IRF2BP2: variants seen among roughly 807,000 people sequenced by gnomAD.
IRF2BP2 encodes the protein interferon regulatory factor 2 binding protein 2.
A neutral mutation model predicts 32.7 loss-of-function variants in IRF2BP2; 13 were observed. That is an observed-to-expected ratio of 0.40 (90% CI 0.26 to 0.63). The LOEUF (loss-of-function observed/expected upper bound fraction) is 0.63. IRF2BP2 is among the 30% of genes least tolerant of loss of function. The probability of loss-of-function intolerance (pLI) is 0.42; values close to 1 mark genes in which losing one functional copy is unlikely to be tolerated. For synonymous variants in IRF2BP2, 555 were observed against 384.6 expected (o/e 1.44, Z -5.18); for missense variants, 980 against 830.6 (o/e 1.18, Z -2.21).
At chr1:234,608,332 TG>T in intron 1 of IRF2BP2, 114 bp downstream of exon 1, 1 of 842,458 alleles carries the variant, frequency 1.2e-6, no homozygotes, top group Non-Finnish European at 1.8e-6. Flanking sequence ...GATCAGGAAG[TG>T]GGGTGTTTGT....
rs754206879 is a variant in IRF2BP2 at position 234,608,406 on chromosome 1, C to T, written c.1048+41G>A. 83 of 1,402,360 alleles carry T rather than the reference C, an allele frequency of 5.9e-5. No homozygotes were observed. In the East Asian group the frequency reaches 2.1e-3, roughly 36 times the overall value. The allele number at this position is 1,402,360 out of a possible 1,614,324, so 86.9% of individuals were successfully genotyped here. A position where few individuals can be genotyped will look rare whatever the true frequency, so the allele number is the denominator to read the frequency against. The stretch of plus-strand genomic sequence containing the variant: ...CCACCCTTCCTCTGCTCTCCGTCCC[C>T]TTTTCTCCCCTAGACCCCCTCACTT... On this transcript the variant is annotated intron_variant, in intron 1 of 1. Coordinates refer to ENST00000366609, the MANE Select transcript of IRF2BP2 (RefSeq NM_182972.3).
At position 234,609,455 on chromosome 1, in the gene IRF2BP2, G is replaced by A; in HGVS notation, c.40C>T (p.Gln14Ter). The change falls in exon 1 of 2, where the codon CAG becomes TAG. Residue 14 changes from glutamine to a stop codon, truncating the protein, a stop_gained. Coordinates refer to ENST00000366609, the MANE Select transcript of IRF2BP2 (RefSeq NM_182972.3). LOFTEE classifies it high-confidence loss of function. ...AVAVAAASRR[Q>*]SCYLCDLPRM... ...GGCAGGTCACACAGGTAGCACGACT[G>A]CCGCCGGGACGCGGCCGCCACCGCC... The A allele has an allele frequency of 1.3e-6, 2 of 1,530,286 alleles. No individual in the cohort carries two copies. Among genetic ancestry groups the A allele is most frequent in the Non-Finnish European group, 1.8e-6 (2 of 1,141,122 alleles). 94.8% of individuals were successfully genotyped at this position (1,530,286 alleles called of 1,614,324 possible).
Position 234,609,199 on chromosome 1 carries a change from AGCTGCT to A in IRF2BP2, c.290_295del (p.Gln97_Gln98del). On this transcript the variant is annotated inframe_deletion, in exon 1 of 2. Transcript: ENST00000366609. ...GGCCGCCTCGGGGCCGCCGTGGCCA[AGCTGCT>A]GCTGCTGCTGCAAAAGGATGTCCTT... is the stretch of plus-strand genomic sequence containing the variant. 1 of 1,311,546 alleles carries A rather than the reference AGCTGCT, an allele frequency of 7.6e-7. No individual in the cohort carries two copies. The highest frequency in any genetic ancestry group is 9.7e-7 in the Non-Finnish European group (1 of 1,035,056). The allele number at this position is 1,311,546 out of a possible 1,614,324, so 81.2% of individuals were successfully genotyped here.
chr1:234,609,290 C>T lies in IRF2BP2; in HGVS notation c.205G>A (p.Gly69Ser), dbSNP rs746493754. ...LKRAHGCFPEGRSPPGAAASA... is the reference protein window; with the variant it reads ...LKRAHGCFPESRSPPGAAASA... Reference sequence around the variant, plus strand: ...GCCGCGGCGCCGGGTGGGGAGCGACCCTCCGGGAAGCAGCCGTGCGCCCGC... The same window carrying T: ...GCCGCGGCGCCGGGTGGGGAGCGACTCTCCGGGAAGCAGCCGTGCGCCCGC... Residue 69 changes from glycine to serine, a missense_variant, in exon 1 of 2, where the codon GGT (glycine) becomes AGT (serine). Transcript: ENST00000366609. 2.7e-6 allele frequency: 4 copies of T among 1,467,018 alleles called. No homozygotes were observed. Among genetic ancestry groups the T allele is most frequent in the Non-Finnish European group, 3.6e-6 (4 of 1,106,362 alleles). 90.9% of individuals were successfully genotyped at this position (1,467,018 alleles called of 1,614,324 possible). A position where few individuals can be genotyped will look rare whatever the true frequency, so the allele number is the denominator to read the frequency against.
Position 234,606,406 on chromosome 1 carries a change from T to C in IRF2BP2, c.*731A>G, listed in dbSNP as rs1354364477. The C allele has an allele frequency of 2.0e-5, 3 of 152,076 alleles. No individual in the cohort carries two copies. Among genetic ancestry groups the C allele is most frequent in the Admixed American group, 2.0e-4 (3 of 15,270 alleles). 9.4% of individuals were successfully genotyped at this position (152,076 alleles called of 1,614,324 possible). A position where few individuals can be genotyped will look rare whatever the true frequency, so the allele number is the denominator to read the frequency against. On this transcript the variant is annotated 3_prime_UTR_variant, in exon 2 of 2. Transcript: ENST00000366609. ...TTATGTAACCAACTAGCATGCAGCA[T>C]TGTAATCTTACAACTGATCACGTGG... is the stretch of plus-strand genomic sequence containing the variant.
rs555073382 is a variant in IRF2BP2 at position 234,604,425 on chromosome 1, A to G, written c.*2712T>C. The G allele has an allele frequency of 2.0e-5, 3 of 152,336 alleles. No individual in the cohort carries two copies. Among genetic ancestry groups the G allele is most frequent in the African/African-American group, 7.2e-5 (3 of 41,572 alleles). The allele number at this position is 152,336 out of a possible 1,614,324, so 9.4% of individuals were successfully genotyped here. ...TGAGATTACACTCACTTCAGTTGAC[A>G]TGAGTTTCATCATATATAGAAAAAG... is the stretch of plus-strand genomic sequence containing the variant. On this transcript the variant is annotated 3_prime_UTR_variant, in exon 2 of 2. Transcript: ENST00000366609.
In IRF2BP2 at chr1:234,606,871, A is replaced by G. The variant is rs1337795359; in HGVS notation, c.*266T>C. On this transcript the variant is annotated 3_prime_UTR_variant, in exon 2 of 2. Transcript: ENST00000366609. ...AAGCAGCGCAAGTCACAGCCTACAT[A>G]GAACGGTAACTGTCACCAGGATAAT... 6.8e-6 allele frequency: 2 copies of G among 295,528 alleles called. No homozygotes were observed. Among genetic ancestry groups the G allele is most frequent in the African/African-American group, 4.3e-5 (2 of 46,224 alleles). The allele number at this position is 295,528 out of a possible 1,614,324, so 18.3% of individuals were successfully genotyped here.
rs1357644800 is a variant in IRF2BP2 at position 234,609,617 on chromosome 1, G to A, written c.-123C>T. On this transcript the variant is annotated 5_prime_UTR_variant, in exon 1 of 2. Coordinates refer to ENST00000366609, the MANE Select transcript of IRF2BP2 (RefSeq NM_182972.3). ...CAACCCCGCGTCTCCCCCACCAGCGGCGGCGGCGGCCGCAAAGGCGGCGGC... is the reference window on the plus strand; with the variant it reads ...CAACCCCGCGTCTCCCCCACCAGCGACGGCGGCGGCCGCAAAGGCGGCGGC... 2 of 449,310 alleles carry A rather than the reference G, an allele frequency of 4.5e-6. No individual in the cohort carries two copies. The highest frequency in any genetic ancestry group is 4.9e-5 in the Admixed American group (1 of 20,306). The allele number at this position is 449,310 out of a possible 1,614,324, so 27.8% of individuals were successfully genotyped here.
rs1672153464 is a variant in IRF2BP2, at chr1:234,606,122, A to C, written c.*1015T>G. 1 of 152,296 alleles carries C rather than the reference A, an allele frequency of 6.6e-6. No individual in the cohort carries two copies. The highest frequency in any genetic ancestry group is 2.4e-5 in the African/African-American group (1 of 41,476). The allele number at this position is 152,296 out of a possible 1,614,324, so 9.4% of individuals were successfully genotyped here. A position where few individuals can be genotyped will look rare whatever the true frequency, so the allele number is the denominator to read the frequency against. ...GAAACAGGGTATAGGTGATAGTATC[A>C]ACAGCAATAGCACTACAGGTAAATG... On this transcript the variant is annotated 3_prime_UTR_variant, in exon 2 of 2. Transcript: ENST00000366609.
rs2102768238 is a variant in IRF2BP2, at chr1:234,607,380, G to A, written c.1521C>T (p.Thr507=). The change falls in exon 2 of 2, where the codon ACC becomes ACT. Residue 507 remains threonine (T), a synonymous_variant. Transcript: ENST00000366609. ...TGTCCTCCAGCCGCTCGTGGCAGAG[G>A]GTGCAGCACAGCGGGGCACTGGTTG... ...SLATSAPLCC[T]LCHERLEDTH... 1.2e-6 allele frequency: 2 copies of A among 1,613,986 alleles called. No individual in the cohort carries two copies. The highest frequency in any genetic ancestry group is 8.5e-7 in the Non-Finnish European group (1 of 1,179,842).
At position 234,608,549 on chromosome 1, in the gene IRF2BP2, C is replaced by A; in HGVS notation, c.946G>T (p.Gly316Cys). ...TTGCTCTCGAAGGGCCCCGAGTGGC[C>A]GTGCTGGTGCAGCGCCAGCAGCGTG... ...RDTLLALHQH[G>C]HSGPFESKFK... is the part of the protein sequence containing the mutation. The change falls in exon 1 of 2, where the codon GGC becomes TGC. Residue 316 changes from glycine (G) to cysteine (C), a missense_variant. Physicochemically the swap from Gly to Cys is radical, Grantham distance 159. Coordinates refer to ENST00000366609, the MANE Select transcript of IRF2BP2 (RefSeq NM_182972.3). The A allele has an allele frequency of 6.2e-7, 1 of 1,609,904 alleles. No homozygotes were observed. The highest frequency in any genetic ancestry group is 8.5e-7 in the Non-Finnish European group (1 of 1,178,742).
In IRF2BP2 at chr1:234,609,332, T is replaced by C. The variant is rs1270333561; in HGVS notation, c.163A>G (p.Thr55Ala). ...TGCGCCCGCTTGAGCTGCCGCGCCG[T>C]CTCGATGACGAACTCGACGCGGTCG... ...GADRVEFVIE[T>A]ARQLKRAHGC... The change falls in exon 1 of 2, where the codon ACG (threonine) becomes GCG (alanine). Residue 55 changes from threonine (T) to alanine (A), a missense_variant. Coordinates refer to ENST00000366609, the MANE Select transcript of IRF2BP2 (RefSeq NM_182972.3). The C allele has an allele frequency of 2.0e-6, 3 of 1,526,928 alleles. No homozygotes were observed. The highest frequency in any genetic ancestry group is 2.6e-6 in the Non-Finnish European group (3 of 1,139,586). 94.6% of individuals were successfully genotyped at this position (1,526,928 alleles called of 1,614,324 possible).
chr1:234,609,659 G>C lies in IRF2BP2; in HGVS notation c.-165C>G, dbSNP rs1355880128. 2.3e-5 allele frequency: 5 copies of C among 214,584 alleles called. No homozygotes were observed. Among genetic ancestry groups the C allele is most frequent in the Non-Finnish European group, 4.3e-5 (5 of 116,126 alleles). 13.3% of individuals were successfully genotyped at this position (214,584 alleles called of 1,614,324 possible). A position where few individuals can be genotyped will look rare whatever the true frequency, so the allele number is the denominator to read the frequency against. Reference sequence around the variant, plus strand: ...GGCGGCGGCGGCGGCGGCAAAGCCCGCGAAGGCTCGGCGCCCGCGCAGCGC... The same window carrying C: ...GGCGGCGGCGGCGGCGGCAAAGCCCCCGAAGGCTCGGCGCCCGCGCAGCGC... On this transcript the variant is annotated 5_prime_UTR_variant, in exon 1 of 2. Coordinates refer to ENST00000366609, the MANE Select transcript of IRF2BP2 (RefSeq NM_182972.3).
chr1:234,607,403 T>C lies in IRF2BP2; in HGVS notation c.1498A>G (p.Thr500Ala), dbSNP rs763561337. The change falls in exon 2 of 2, where the codon ACC becomes GCC. Residue 500 changes from threonine (T) to alanine (A), a missense_variant. By Grantham distance (58) the Thr-to-Ala change is moderately conservative. Transcript: ENST00000366609. ...AGGGTGCAGCACAGCGGGGCACTGG[T>C]TGCCAGAGAGGAGTCCGGGAGGCTG... Reference protein sequence around the residue: ...PASLPDSSLATSAPLCCTLCH... With the variant: ...PASLPDSSLAASAPLCCTLCH... 12 of 1,613,982 alleles carry C rather than the reference T, an allele frequency of 7.4e-6. No homozygotes were observed. The highest frequency in any genetic ancestry group is 1.1e-5 in the South Asian group (1 of 91,090).
At position 234,609,507 on chromosome 1, in the gene IRF2BP2, C is replaced by T. The variant is rs1436061820; in HGVS notation, c.-13G>A. ...CCGCCGCGGCCATGTCCGAGGAGCCCGCGACGCCGGAGGAGGAGGCGGAGG... is the reference window on the plus strand; with the variant it reads ...CCGCCGCGGCCATGTCCGAGGAGCCTGCGACGCCGGAGGAGGAGGCGGAGG... On this transcript the variant is annotated 5_prime_UTR_variant, in exon 1 of 2. Transcript: ENST00000366609. 7 of 1,452,948 alleles carry T rather than the reference C, an allele frequency of 4.8e-6. No homozygotes were observed. The highest frequency in any genetic ancestry group is 6.4e-6 in the Non-Finnish European group (7 of 1,095,570). The allele number at this position is 1,452,948 out of a possible 1,614,324, so 90.0% of individuals were successfully genotyped here.
chr1:234,607,063 T>G lies in IRF2BP2; in HGVS notation c.*74A>C. On this transcript the variant is annotated 3_prime_UTR_variant, in exon 2 of 2. Transcript: ENST00000366609. ...ATTTCCCTTGTCTTGGATATATATA[T>G]ATATGGAGATATATATACAATTCAA... is the stretch of plus-strand genomic sequence containing the variant. 1 of 989,372 alleles carries G rather than the reference T, an allele frequency of 1.0e-6. No homozygotes were observed. Among genetic ancestry groups the G allele is most frequent in the South Asian group, 1.5e-5 (1 of 64,870 alleles). The allele number at this position is 989,372 out of a possible 1,614,324, so 61.3% of individuals were successfully genotyped here.
rs765477009 is a variant in IRF2BP2, at chr1:234,607,397, C to A, written c.1504G>T (p.Ala502Ser). The A allele has an allele frequency of 3.7e-6, 6 of 1,614,136 alleles. No homozygotes were observed. The highest frequency in any genetic ancestry group is 3.4e-6 in the Non-Finnish European group (4 of 1,179,966). ...TGGCAGAGGGTGCAGCACAGCGGGG[C>A]ACTGGTTGCCAGAGAGGAGTCCGGG... ...SLPDSSLATS[A>S]PLCCTLCHER... Residue 502 changes from alanine (A) to serine (S), a missense_variant, in exon 2 of 2, where the codon GCC becomes TCC. Transcript: ENST00000366609.
rs539159123 is a variant in IRF2BP2 at position 234,608,521 on chromosome 1, A to C, written c.974T>G (p.Phe325Cys). 7.4e-6 allele frequency: 12 copies of C among 1,610,764 alleles called. No individual in the cohort carries two copies. The South Asian group carries it at 1.1e-4, about 15-fold the overall frequency. Reference sequence around the variant, plus strand: ...TGCAGTCAGGGCCGGCTCCTTCTTAAACTTGCTCTCGAAGGGCCCCGAGTG... The same window carrying C: ...TGCAGTCAGGGCCGGCTCCTTCTTACACTTGCTCTCGAAGGGCCCCGAGTG... ...HGHSGPFESK[F>C]KKEPALTAGR... Residue 325 changes from phenylalanine to cysteine, a missense_variant, in exon 1 of 2, where the codon TTT (phenylalanine) becomes TGT (cysteine). Coordinates refer to ENST00000366609, the MANE Select transcript of IRF2BP2 (RefSeq NM_182972.3).
Position 234,604,426 on chromosome 1 carries a change from TGA to T in IRF2BP2, c.*2709_*2710del, listed in dbSNP as rs1349995848. 4.6e-5 allele frequency: 7 copies of T among 152,200 alleles called. No individual in the cohort carries two copies. The highest frequency in any genetic ancestry group is 1.7e-4 in the African/African-American group (7 of 41,450). The allele number at this position is 152,200 out of a possible 1,614,324, so 9.4% of individuals were successfully genotyped here. On this transcript the variant is annotated 3_prime_UTR_variant, in exon 2 of 2. Coordinates refer to ENST00000366609, the MANE Select transcript of IRF2BP2 (RefSeq NM_182972.3). ...GAGATTACACTCACTTCAGTTGACA[TGA>T]GTTTCATCATATATAGAAAAAGTAT...
Sources: gnomAD v4.1 joint callset for allele counts on GRCh38, gnomAD v4.1.1 for gene constraint, MANE v1.5 for transcripts, NCBI Gene and HGNC (gene_info 2026-07-23, HGNC 2026-07-21) for gene names.